PIK3C2G: variants seen among roughly 807,000 people sequenced by gnomAD.
PIK3C2G encodes phosphatidylinositol-4-phosphate 3-kinase catalytic subunit type 2 gamma, also known as phosphatidylinositol 3-kinase C2 domain-containing subunit gamma.
PIK3C2G carries 168 observed loss-of-function variants against 181.1 expected under a neutral mutation model. The observed-to-expected ratio is 0.93, with a 90% CI of 0.82 to 1.05. PIK3C2G has a LOEUF of 1.05. PIK3C2G is among the 50% of genes least tolerant of loss of function. PIK3C2G has a pLI of 0.00. For synonymous variants in PIK3C2G, 573 were observed against 592.2 expected, an observed-to-expected ratio of 0.97 and a Z score of 0.47; for missense variants, 1,869 against 1,732.8, an observed-to-expected ratio of 1.08 and a Z score of -1.40.
chr12:18,624,751 C>G (rs1374079614), intron 31 of PIK3C2G, among the ~76,000 whole-genome samples: 1 of 151,692 alleles, frequency 6.6e-6, no homozygotes, highest in East Asian at 1.9e-4. Flanking sequence ...TCTATTTCTT[C>G]ATGATTCAGT....
intron 30 of PIK3C2G, among the ~76,000 whole-genome samples, chr12:18,596,099 T>C (rs1947345536): frequency 6.6e-6 from 1 of 152,214 alleles, no homozygotes; most frequent in African/African-American, 2.4e-5. Context: ...AAATGATTGA[T>C]GACAGAAAGA....
chr12:18,381,095 T>C (rs1011598638), intron 13 of PIK3C2G, among the ~76,000 whole-genome samples: 2 of 152,192 alleles, frequency 1.3e-5, no homozygotes, highest in Non-Finnish European at 2.9e-5. Flanking sequence ...TGGATTTGGA[T>C]GTTACTGAAG....
chr12:18,604,129 A>G (rs1172541864), intron 30 of PIK3C2G, among the ~76,000 whole-genome samples: 2 of 152,004 alleles, frequency 1.3e-5, no homozygotes, highest in African/African-American at 2.4e-5. Flanking sequence ...CTCACCAACC[A>G]TCTGCTGCCT....
chr12:18,487,096 T>TTGTGTGTGTGTGTGTGTG (rs35440588), intron 18 of PIK3C2G, among the ~76,000 whole-genome samples: 36 of 142,198 alleles, frequency 2.5e-4, no homozygotes, highest in African/African-American at 6.8e-4. Flanking sequence ...TTGAGGTATT[T>TTGTGTGTGTGTGTGTGTG]TGTGTGTGTG....
chr12:18,658,348 C>T, the PIK3C2G span, among the ~76,000 whole-genome samples: 1 of 152,086 alleles, frequency 6.6e-6, no homozygotes, highest in East Asian at 1.9e-4. Flanking sequence ...TCAACAAACT[C>T]TAAGTAGGAT....
the PIK3C2G span, chr12:18,695,016 T>G: frequency 6.2e-7 from 1 of 1,612,656 alleles, no homozygotes; most frequent in Non-Finnish European, 8.5e-7. Flanking sequence ...AGAACCACCA[T>G]TATCCAAAAA....
intron 1 of PIK3C2G, among the ~76,000 whole-genome samples, chr12:18,256,067 C>G (rs1457669733): frequency 6.6e-6 from 1 of 152,100 alleles, no homozygotes; most frequent in Admixed American, 6.5e-5. Context: ...AATGAATTAT[C>G]TATTCTAAAT....
chr12:18,270,045 G>A (rs1042440444), intron 1 of PIK3C2G, among the ~76,000 whole-genome samples: 8 of 151,742 alleles, frequency 5.3e-5, no homozygotes, highest in Non-Finnish European at 1.2e-4. Flanking sequence ...ATGTAGCTGG[G>A]ATTATAGGCG....
chr12:18,608,194 A>G (rs1449927098), intron 30 of PIK3C2G, among the ~76,000 whole-genome samples: 1 of 152,160 alleles, frequency 6.6e-6, no homozygotes, highest in Non-Finnish European at 1.5e-5. Flanking sequence ...AGACCCAGCC[A>G]TCCCATTACT....
At chr12:18,245,923 A>G (rs1948035257), upstream of PIK3C2G, among the ~76,000 whole-genome samples, 1 of 152,168 alleles carries the variant, frequency 6.6e-6, no homozygotes, top group Admixed American at 6.5e-5. Flanking sequence ...CACTAGTCGA[A>G]TATTGCACAA....
intron 25 of PIK3C2G, 104 bp downstream of exon 25, chr12:18,538,416 C>A: frequency 2.2e-6 from 2 of 926,746 alleles, no homozygotes; most frequent in South Asian, 1.8e-5. Flanking sequence ...AGGAGCTATT[C>A]GGAAGAGAAA....
chr12:18,282,849 A>C (rs1949279897), intron 2 of PIK3C2G, 90 bp downstream of exon 2: 1 of 883,090 alleles, frequency 1.1e-6, no homozygotes, highest in African/African-American at 1.7e-5. Flanking sequence ...AGATAACTAA[A>C]CTTAAATAGG....
chr12:18,584,400 C>A (rs1234041284), intron 29 of PIK3C2G, among the ~76,000 whole-genome samples: 1 of 151,986 alleles, frequency 6.6e-6, no homozygotes, highest in Non-Finnish European at 1.5e-5. Context: ...GATACAATTA[C>A]AAATATTAAC....
the PIK3C2G span, among the ~76,000 whole-genome samples, chr12:18,698,629 CA>C: frequency 6.6e-6 from 1 of 152,018 alleles, no homozygotes; most frequent in African/African-American, 2.4e-5. Flanking sequence ...TGGTAGATTG[CA>C]TTTTTTTAAC....
At chr12:18,302,902 T>A (rs549263586) in intron 5 of PIK3C2G, among the ~76,000 whole-genome samples, 1 of 152,070 alleles carries the variant, frequency 6.6e-6, no homozygotes, top group Admixed American at 6.5e-5. Context: ...TTCCTCTTGG[T>A]GCACATGCAT....
At chr12:18,689,255 C>T in the PIK3C2G span, among the ~76,000 whole-genome samples, 1 of 152,018 alleles carries the variant, frequency 6.6e-6, no homozygotes, top group African/African-American at 2.4e-5. Context: ...GTAGGTTCAG[C>T]TCGGTGTACC....
intron 31 of PIK3C2G, among the ~76,000 whole-genome samples, chr12:18,634,545 C>G (rs1949504750): frequency 6.6e-6 from 1 of 152,176 alleles, no homozygotes; most frequent in African/African-American, 2.4e-5. Flanking sequence ...ATCAACCGGC[C>G]ATCAGATAGC....
chr12:18,547,346 G>T (rs1402986228), intron 26 of PIK3C2G, among the ~76,000 whole-genome samples: 1 of 152,012 alleles, frequency 6.6e-6, no homozygotes, highest in African/African-American at 2.4e-5. Flanking sequence ...CACACTTGGG[G>T]AATTTCACTT....
chr12:18,315,732 G>A (rs1950830844), intron 6 of PIK3C2G, among the ~76,000 whole-genome samples: 1 of 152,168 alleles, frequency 6.6e-6, no homozygotes, highest in African/African-American at 2.4e-5. Flanking sequence ...AAACTGACGA[G>A]CAGAGAAGTA....
Sources: allele counts gnomAD v4.1 joint callset (sites outside exome capture counted in the v4.1 genomes callset), GRCh38; gene constraint gnomAD v4.1.1; transcripts MANE v1.5; gene names NCBI Gene and HGNC (gene_info 2026-07-23, HGNC 2026-07-21).